The following SFMBT2 variants were observed in gnomAD, a reference collection of about 807,000 sequenced individuals.
The protein encoded by SFMBT2 is Scm like with four mbt domains 2, also known as scm-like with four MBT domains protein 2.
Under a neutral mutation model 110.1 loss-of-function variants are expected in SFMBT2, and 38 were observed. That is an observed-to-expected ratio of 0.35 (90% CI 0.27 to 0.45). The LOEUF (loss-of-function observed/expected upper bound fraction) is 0.45, where lower values mean the gene tolerates loss of function less well. SFMBT2 is among the 20% of genes least tolerant of loss of function. The probability of loss-of-function intolerance (pLI) is 1.00; values close to 1 mark genes in which losing one functional copy is unlikely to be tolerated. For missense variants in SFMBT2, 1,011 were observed against 1,094.9 expected, an observed-to-expected ratio of 0.92 and a Z score of 1.08; for synonymous variants, 425 against 425.4, an observed-to-expected ratio of 1.00 and a Z score of 0.01.
At chr10:7,286,784 G>A (rs1254837218) in intron 4 of SFMBT2, among the ~76,000 whole-genome samples, 1 of 152,102 alleles carries the variant, frequency 6.6e-6, no homozygotes, top group Non-Finnish European at 1.5e-5. Context: ...GATCTCAAGG[G>A]ACGACTGCAC....
chr10:7,311,045 C>CAAAAAAAAAAAAAAAAACAAAA (rs1842840844), intron 4 of SFMBT2, among the ~76,000 whole-genome samples: 1 of 96,942 alleles, frequency 1.0e-5, no homozygotes, highest in Non-Finnish European at 2.0e-5. Flanking sequence ...AACTCCATCT[C>CAAAAAAAAAAAAAAAAACAAAA]AAAAAAAAAA....
At chr10:7,192,057 A>G (rs921150803) in intron 15 of SFMBT2, among the ~76,000 whole-genome samples, 2 of 152,172 alleles carry the variant, frequency 1.3e-5, no homozygotes. Flanking sequence ...CAAAAAAAAA[A>G]ATGTGCACTT....
chr10:7,214,550 G>A (rs1434251096), intron 11 of SFMBT2: 1 of 985,174 alleles, frequency 1.0e-6, no homozygotes, highest in Non-Finnish European at 1.2e-6. Flanking sequence ...AAATACCTAT[G>A]AGGAAATTCT....
intron 1 of SFMBT2, among the ~76,000 whole-genome samples, chr10:7,393,334 T>C (rs924078079): frequency 3.3e-5 from 5 of 151,998 alleles, no homozygotes; most frequent in Non-Finnish European, 5.9e-5. Flanking sequence ...CCCGGCCTCA[T>C]ATATTATATT....
chr10:7,224,635 G>A (rs1198870172), intron 10 of SFMBT2, among the ~76,000 whole-genome samples: 6 of 152,066 alleles, frequency 3.9e-5, no homozygotes, highest in South Asian at 2.1e-4. Flanking sequence ...TCAAATAGTC[G>A]TTTTTGGTCC....
intron 4 of SFMBT2, among the ~76,000 whole-genome samples, chr10:7,315,020 G>A (rs1251227524): frequency 5.3e-4 from 65 of 122,474 alleles, no homozygotes; most frequent in African/African-American, 1.8e-3. Context: ...AGAAAGAAAA[G>A]AGAGAGAAAG....
chr10:7,304,217 T>A (rs1203511483), intron 4 of SFMBT2, among the ~76,000 whole-genome samples: 1 of 152,104 alleles, frequency 6.6e-6, no homozygotes, highest in Non-Finnish European at 1.5e-5. Context: ...GTGGGGTGGG[T>A]CTTTCCCATG....
At chr10:7,177,624 G>C (rs989510636) in intron 16 of SFMBT2, among the ~76,000 whole-genome samples, 1 of 152,134 alleles carries the variant, frequency 6.6e-6, no homozygotes, top group Non-Finnish European at 1.5e-5. Flanking sequence ...CAGCTCTTTG[G>C]GAGGCCGAGG....
At chr10:7,299,061 A>G (rs1842488272) in intron 4 of SFMBT2, among the ~76,000 whole-genome samples, 1 of 152,104 alleles carries the variant, frequency 6.6e-6, no homozygotes, top group South Asian at 2.1e-4. Context: ...AAAATACAAA[A>G]ATTAGCCCAA....
At chr10:7,237,287 T>C (rs955515896) in intron 9 of SFMBT2, among the ~76,000 whole-genome samples, 37 of 152,080 alleles carry the variant, frequency 2.4e-4, no homozygotes, top group Admixed American at 9.2e-4. Flanking sequence ...TGTTCACCAA[T>C]AGAAAATGGA....
intron 7 of SFMBT2, among the ~76,000 whole-genome samples, chr10:7,262,657 T>C (rs1375187324): frequency 6.6e-6 from 1 of 152,236 alleles, no homozygotes; most frequent in Non-Finnish European, 1.5e-5. Flanking sequence ...CAAGTTGCTA[T>C]CTAACGGACT....
At chr10:7,376,773 C>A (rs2132070398) in intron 2 of SFMBT2, among the ~76,000 whole-genome samples, 1 of 107,452 alleles carries the variant, frequency 9.3e-6, no homozygotes, top group Non-Finnish European at 1.7e-5. Context: ...GGTAATGAGA[C>A]TGAGGCCAGC....
chr10:7,283,251 A>G (rs770489406), intron 6 of SFMBT2, among the ~76,000 whole-genome samples: 3 of 152,266 alleles, frequency 2.0e-5, no homozygotes, highest in Non-Finnish European at 4.4e-5. Flanking sequence ...GACAGAGAGC[A>G]TAAGGCAGGA....
chr10:7,275,265 C>A (rs184320143), intron 7 of SFMBT2, among the ~76,000 whole-genome samples: 3 of 152,202 alleles, frequency 2.0e-5, no homozygotes, highest in Admixed American at 1.3e-4. Flanking sequence ...TAGGGTACGT[C>A]AAAATAAAAT....
In SFMBT2 at chr10:7,211,511, C is replaced by A. The variant is rs532111769; in HGVS notation, c.1331-5583G>T. 7.9e-5 allele frequency among the ~76,000 whole-genome samples: 12 copies of A among 152,298 alleles called. 1 individual carries two copies. In the Middle Eastern group the frequency reaches 0.017, roughly 216 times the overall value. On this transcript the variant is annotated intron_variant, in intron 11 of 20. Coordinates refer to ENST00000397167, the MANE Select transcript of SFMBT2 (RefSeq NM_001387889.1). ...CCCAATGGACTTACGACAGCCAGAG[C>A]CAGTCCTGCTGCTGGCCCCCAAAAC...
intron 20 of SFMBT2, among the ~76,000 whole-genome samples, chr10:7,164,780 CACACACACACA>C (rs1564361589): frequency 5.3e-5 from 8 of 151,326 alleles, no homozygotes; most frequent in South Asian, 2.1e-4. Context: ...CACACACACA[CACACACACACA>C]CCATTTACAG....
At position 7,276,893 on chromosome 10, in the gene SFMBT2, T is replaced by C; in HGVS notation, c.869A>G (p.Lys290Arg). 1 of 870,436 alleles carries C rather than the reference T, an allele frequency of 1.1e-6. No homozygotes were observed. Among genetic ancestry groups the C allele is most frequent in the Non-Finnish European group, 2.0e-6 (1 of 499,342 alleles). 53.9% of individuals were successfully genotyped at this position (870,436 alleles called of 1,614,324 possible). A position where few individuals can be genotyped will look rare whatever the true frequency, so the allele number is the denominator to read the frequency against. Residue 290 changes from lysine (K) to arginine (R), a missense_variant and splice_region_variant, in exon 7 of 21, where the codon AAG (lysine) becomes AGG (arginine). Coordinates refer to ENST00000397167, the MANE Select transcript of SFMBT2 (RefSeq NM_001387889.1). ...AKFPLPMEVF[K>R]DHADLRSHFF... is the part of the protein sequence containing the mutation. ...CATTGCTAAGAATCAACATCTTACCTTAAACACTTCCATTGGAAGAGGAAA... is the reference window on the plus strand; with the variant it reads ...CATTGCTAAGAATCAACATCTTACCCTAAACACTTCCATTGGAAGAGGAAA...
In SFMBT2 at chr10:7,215,647, A is replaced by G. The variant is rs1473383706; in HGVS notation, c.1330+4764T>C. ...CATCCATGGAGGCAGGGCCCCGCAG[A>G]GGCAGCACAGAACCCTGCAGGGAGG... On this transcript the variant is annotated intron_variant, in intron 11 of 20. Transcript: ENST00000397167. 4 of 985,308 alleles carry G rather than the reference A, an allele frequency of 4.1e-6. No individual in the cohort carries two copies. In the Admixed American group the frequency reaches 2.5e-4, roughly 61 times the overall value. 61.0% of individuals were successfully genotyped at this position (985,308 alleles called of 1,614,324 possible).
chr10:7,275,422 T>C (rs543253728), intron 7 of SFMBT2, among the ~76,000 whole-genome samples: 7 of 152,084 alleles, frequency 4.6e-5, no homozygotes, highest in Non-Finnish European at 8.8e-5. Flanking sequence ...CATTAAAGGC[T>C]GTTTCTCTTC....
Sources: gnomAD v4.1 joint callset for allele counts (sites outside exome capture counted in the v4.1 genomes callset) on GRCh38, gnomAD v4.1.1 for gene constraint, MANE v1.5 for transcripts, NCBI Gene and HGNC (gene_info 2026-07-23, HGNC 2026-07-21) for gene names.